The following MMP26 variants were observed in gnomAD, a reference collection of about 807,000 sequenced individuals.
The protein encoded by MMP26 is matrix metallopeptidase 26.
MMP26 carries 33 observed loss-of-function variants against 31.0 expected under a neutral mutation model. The ratio of observed to expected loss-of-function variants is 1.06; its 90% confidence interval spans 0.81 to 1.42. The LOEUF (loss-of-function observed/expected upper bound fraction) is 1.42. MMP26 is among the 40% of genes most tolerant of loss of function. The pLI, the probability that MMP26 is intolerant of heterozygous loss-of-function variation, is 0.00. For synonymous variants in MMP26, 122 were observed against 114.9 expected (o/e 1.06, Z -0.40); for missense variants, 347 against 316.1 (o/e 1.10, Z -0.74).
At chr11:4,745,951 G>A (rs973792432) in intron 1 of MMP26, among the ~76,000 whole-genome samples, 2 of 152,074 alleles carry the variant, frequency 1.3e-5, no homozygotes, top group African/African-American at 4.8e-5. Flanking sequence ...TTTTAATGCC[G>A]AATAATATTC....
At chr11:4,892,571 A>G (rs971692057) in intron 2 of MMP26, among the ~76,000 whole-genome samples, 1 of 152,226 alleles carries the variant, frequency 6.6e-6, no homozygotes, top group Non-Finnish European at 1.5e-5. Context: ...CTTGGCAAAT[A>G]GCACACATCC....
intron 2 of MMP26, chr11:4,860,163 A>G: frequency 2.1e-6 from 1 of 471,122 alleles, no homozygotes; most frequent in South Asian, 1.5e-5. Flanking sequence ...GGATGGAAAC[A>G]TAGTGTAATG....
chr11:4,810,250 C>T (rs11034001), intron 2 of MMP26, among the ~76,000 whole-genome samples: 62,847 of 151,064 alleles, frequency 0.42, 14,309 homozygotes, highest in South Asian at 0.57. Context: ...TTTTTTTAGT[C>T]GGAGTACATA....
At chr11:4,937,617 T>G (rs1198995329) in intron 2 of MMP26, 1 of 152,650 alleles carries the variant, frequency 6.6e-6, no homozygotes, top group Non-Finnish European at 1.5e-5. Flanking sequence ...CAATTCCCAG[T>G]ACAGCCCTTA....
intron 2 of MMP26, chr11:4,875,145 A>G (rs1383842858): frequency 6.6e-6 from 1 of 152,136 alleles, no homozygotes; most frequent in African/African-American, 2.4e-5. Context: ...GAAGTACTGG[A>G]GATCATTCTG....
At chr11:4,804,425 G>A (rs1249188660) in intron 2 of MMP26, 3 of 1,403,138 alleles carry the variant, frequency 2.1e-6, no homozygotes, top group Non-Finnish European at 3.0e-6. Flanking sequence ...TCTACTCTCT[G>A]CAGATGATAA....
At chr11:4,910,833 T>TAA (rs35562013) in intron 2 of MMP26, among the ~76,000 whole-genome samples, 6 of 149,604 alleles carry the variant, frequency 4.0e-5, no homozygotes, top group Admixed American at 1.3e-4. Context: ...CATCATGGAA[T>TAA]AAAAAAAAAA....
intron 1 of MMP26, among the ~76,000 whole-genome samples, chr11:4,741,713 C>T (rs907546328): frequency 4.6e-5 from 7 of 152,054 alleles, no homozygotes; most frequent in African/African-American, 1.7e-4. Flanking sequence ...CACCATAGCA[C>T]ACGTATTCCT....
chr11:4,718,918 A>G, intron 1 of MMP26: 1 of 186,756 alleles, frequency 5.4e-6, no homozygotes, highest in Non-Finnish European at 1.1e-5. Flanking sequence ...CTTGTCCCAG[A>G]TGTTCTTTCT....
intron 2 of MMP26, among the ~76,000 whole-genome samples, chr11:4,835,340 T>C (rs114980444): frequency 0.024 from 3,716 of 152,252 alleles, 134 homozygotes; most frequent in African/African-American, 0.083. Flanking sequence ...TCTGCAGTTT[T>C]ATCCACCTTC....
chr11:4,790,367 A>G (rs1338238165), intron 2 of MMP26, among the ~76,000 whole-genome samples: 1 of 152,166 alleles, frequency 6.6e-6, no homozygotes, highest in African/African-American at 2.4e-5. Context: ...ACAAACAAAA[A>G]AAAGCAATTA....
chr11:4,796,928 G>A (rs10836672), intron 2 of MMP26, among the ~76,000 whole-genome samples: 55,982 of 151,706 alleles, frequency 0.37, 11,421 homozygotes, highest in African/African-American at 0.52. Flanking sequence ...AAACAACAGT[G>A]CACTTCGGGC....
intron 1 of MMP26, among the ~76,000 whole-genome samples, chr11:4,706,396 CA>C (rs1285903535): frequency 6.7e-6 from 1 of 148,974 alleles, no homozygotes; most frequent in Non-Finnish European, 1.5e-5. Context: ...CCCATCTCTA[CA>C]AAAAATAAAA....
chr11:4,904,906 A>G (rs1330424290), intron 2 of MMP26, among the ~76,000 whole-genome samples: 1 of 152,120 alleles, frequency 6.6e-6, no homozygotes, highest in Non-Finnish European at 1.5e-5. Context: ...ACCTTTTTAT[A>G]CCTTTTAACA....
At chr11:4,770,927 T>A (rs960327640) in intron 2 of MMP26, among the ~76,000 whole-genome samples, 1 of 151,728 alleles carries the variant, frequency 6.6e-6, no homozygotes, top group Admixed American at 6.6e-5. Context: ...TGAAGCCTAG[T>A]AAGGATTAAA....
chr11:4,740,389 A>C (rs1848296097), intron 1 of MMP26, among the ~76,000 whole-genome samples: 1 of 152,158 alleles, frequency 6.6e-6, no homozygotes, highest in Non-Finnish European at 1.5e-5. Flanking sequence ...TTTACAAAGA[A>C]ATAATATTTT....
intron 2 of MMP26, among the ~76,000 whole-genome samples, chr11:4,791,894 G>T (rs1180064742): frequency 6.6e-6 from 1 of 151,592 alleles, no homozygotes; most frequent in Admixed American, 6.6e-5. Context: ...CTATCTGCTT[G>T]TTGTTTTTCT....
chr11:4,943,361 G>T, intron 2 of MMP26: 1 of 361,726 alleles, frequency 2.8e-6, no homozygotes, highest in Non-Finnish European at 5.5e-6. Context: ...TTTTTCACTG[G>T]TTTCCTTTCT....
At chr11:4,789,673 T>C (rs1166669557) in intron 2 of MMP26, among the ~76,000 whole-genome samples, 2 of 150,732 alleles carry the variant, frequency 1.3e-5, no homozygotes, top group Non-Finnish European at 2.9e-5. Flanking sequence ...CTTGAGTAGC[T>C]GGGACTACAG....
Sources: gnomAD v4.1 joint callset for allele counts (sites outside exome capture counted in the v4.1 genomes callset) on GRCh38, gnomAD v4.1.1 for gene constraint, MANE v1.5 for transcripts, NCBI Gene and HGNC (gene_info 2026-07-23, HGNC 2026-07-21) for gene names.